EIF4G3: variants seen among roughly 807,000 people sequenced by gnomAD.
The protein encoded by EIF4G3 is eIF-4-gamma 3.
A neutral mutation model predicts 186.4 loss-of-function variants in EIF4G3; 34 were observed. The ratio of observed to expected loss-of-function variants is 0.18; its 90% confidence interval spans 0.14 to 0.24. The LOEUF (loss-of-function observed/expected upper bound fraction) is 0.24. Ranked by LOEUF, EIF4G3 falls within the 10% of genes least tolerant of loss-of-function variation. The probability of loss-of-function intolerance (pLI) is 1.00; values close to 1 mark genes in which losing one functional copy is unlikely to be tolerated. For synonymous variants in EIF4G3, 673 were observed against 679.5 expected (o/e 0.99, Z 0.15); for missense variants, 1,536 against 1,948.5 (o/e 0.79, Z 3.99).
intron 12 of EIF4G3, among the ~76,000 whole-genome samples, chr1:20,967,142 G>C (rs1049361650): frequency 3.3e-5 from 5 of 152,184 alleles, no homozygotes. Flanking sequence ...AACACAGAGG[G>C]ATACCAGAAG....
At chr1:21,143,360 G>GAAGGA (rs201692829) in intron 2 of EIF4G3, among the ~76,000 whole-genome samples, 5 of 150,692 alleles carry the variant, frequency 3.3e-5, no homozygotes, top group Non-Finnish European at 7.4e-5. Context: ...AGGAGAAAGA[G>GAAGGA]AAGGAAAGGA....
intron 30 of EIF4G3, among the ~76,000 whole-genome samples, chr1:20,831,278 ATT>A (rs35154451): frequency 1.8e-4 from 26 of 142,996 alleles, no homozygotes; most frequent in African/African-American, 4.9e-4. Context: ...AAAAATATTA[ATT>A]TTTTTTTTTT....
intron 3 of EIF4G3, among the ~76,000 whole-genome samples, chr1:21,084,251 AG>A (rs1370244667): frequency 6.6e-6 from 1 of 151,858 alleles, no homozygotes; most frequent in African/African-American, 2.4e-5. Flanking sequence ...AAAAAAAGAA[AG>A]AAAAAAAAGA....
intron 20 of EIF4G3, among the ~76,000 whole-genome samples, chr1:20,876,677 C>A (rs2080971544): frequency 6.6e-6 from 1 of 152,050 alleles, no homozygotes; most frequent in Non-Finnish European, 1.5e-5. Flanking sequence ...TTGACTTGTT[C>A]AAATAGGTTG....
chr1:21,086,984 G>A (rs367859286), intron 3 of EIF4G3, among the ~76,000 whole-genome samples: 3 of 151,610 alleles, frequency 2.0e-5, no homozygotes, highest in African/African-American at 4.8e-5. Context: ...TGGACATCTG[G>A]GAAACTCTGA....
At chr1:21,080,028 G>A (rs1477895031) in intron 3 of EIF4G3, among the ~76,000 whole-genome samples, 3 of 152,004 alleles carry the variant, frequency 2.0e-5, no homozygotes, top group East Asian at 1.9e-4. Flanking sequence ...GTGGGTGCCT[G>A]TAATCCCAGC....
At chr1:20,811,672 A>G (rs2154543703) in intron 35 of EIF4G3, among the ~76,000 whole-genome samples, 1 of 152,340 alleles carries the variant, frequency 6.6e-6, no homozygotes, top group Middle Eastern at 3.4e-3. Flanking sequence ...AATTAATCAA[A>G]TGTCTTACCA....
intron 27 of EIF4G3, among the ~76,000 whole-genome samples, chr1:20,853,343 C>T (rs1229600981): frequency 6.6e-6 from 1 of 152,152 alleles, no homozygotes; most frequent in African/African-American, 2.4e-5. Flanking sequence ...GTGGGCCTAG[C>T]TTTCTTAAGA....
intron 4 of EIF4G3, among the ~76,000 whole-genome samples, chr1:21,040,590 T>C (rs2093511065): frequency 6.6e-6 from 1 of 152,228 alleles, no homozygotes; most frequent in African/African-American, 2.4e-5. Flanking sequence ...AGGAATGTTT[T>C]TAATCTTTCT....
At chr1:20,920,042 G>A (rs2094351289) in intron 14 of EIF4G3, among the ~76,000 whole-genome samples, 1 of 152,018 alleles carries the variant, frequency 6.6e-6, no homozygotes, top group South Asian at 2.1e-4. Context: ...AAGTAGCTGG[G>A]ATTACAGGCA....
At chr1:21,023,721 C>T (rs1052345783) in intron 4 of EIF4G3, among the ~76,000 whole-genome samples, 3 of 150,192 alleles carry the variant, frequency 2.0e-5, no homozygotes, top group Non-Finnish European at 3.0e-5. Context: ...GGCCGCCCAT[C>T]GTCTGGGATG....
chr1:21,154,232 T>C (rs896772387), intron 2 of EIF4G3, among the ~76,000 whole-genome samples: 1 of 152,174 alleles, frequency 6.6e-6, no homozygotes, highest in Non-Finnish European at 1.5e-5. Context: ...ACTCTCTATA[T>C]AGATCACTAA....
intron 4 of EIF4G3, among the ~76,000 whole-genome samples, chr1:21,023,057 A>T (rs1557568546): frequency 6.6e-6 from 1 of 152,186 alleles, no homozygotes; most frequent in Non-Finnish European, 1.5e-5. Context: ...ACTATACTTG[A>T]CTTCAGATGT....
intron 34 of EIF4G3, among the ~76,000 whole-genome samples, chr1:20,813,552 G>A (rs1012127205): frequency 1.3e-5 from 2 of 150,138 alleles, no homozygotes; most frequent in African/African-American, 4.9e-5. Flanking sequence ...ATGGGTGACA[G>A]AGCGAGACCT....
At position 20,915,168 on chromosome 1, in the gene EIF4G3, T is replaced by C. The variant is rs574332864; in HGVS notation, c.1664-10197A>G. On this transcript the variant is annotated intron_variant, in intron 14 of 36. Transcript: ENST00000602326. ...ATCATGGGTCATATTGTTTTCATGG[T>C]GTCACTGGGCCAAAAAGCAAGAAGA... 6.6e-5 allele frequency among the ~76,000 whole-genome samples: 10 copies of C among 152,324 alleles called. 1 individual carries two copies. The South Asian group carries it at 2.1e-3, about 32-fold the overall frequency.
chr1:21,105,971 G>A (rs1572633425), intron 2 of EIF4G3, among the ~76,000 whole-genome samples: 1 of 152,160 alleles, frequency 6.6e-6, no homozygotes, highest in Non-Finnish European at 1.5e-5. Context: ...GGAAGCTGAG[G>A]CAGAAGGGTC....
chr1:21,133,392 T>C (rs1225631613), intron 2 of EIF4G3, among the ~76,000 whole-genome samples: 1 of 152,022 alleles, frequency 6.6e-6, no homozygotes, highest in Admixed American at 6.6e-5. Flanking sequence ...GCCCGGCTAA[T>C]TTTTGTATTT....
At chr1:21,009,933 G>GT (rs761146658) in intron 4 of EIF4G3, among the ~76,000 whole-genome samples, 1 of 152,000 alleles carries the variant, frequency 6.6e-6, no homozygotes, top group Non-Finnish European at 1.5e-5. Flanking sequence ...GATTACAGAC[G>GT]TGAGCCACCC....
chr1:21,043,117 T>C (rs6683542), intron 4 of EIF4G3, among the ~76,000 whole-genome samples: 56,231 of 151,760 alleles, frequency 0.37, 11,034 homozygotes, highest in Non-Finnish European at 0.43. Context: ...AGATGAGAGG[T>C]AGCCAGAGAA....
Sources: gnomAD v4.1 joint callset for allele counts (sites outside exome capture counted in the v4.1 genomes callset) on GRCh38, gnomAD v4.1.1 for gene constraint, MANE v1.5 for transcripts, NCBI Gene and HGNC (gene_info 2026-07-23, HGNC 2026-07-21) for gene names.